The following CMIP variants were observed in gnomAD, a reference collection of about 807,000 sequenced individuals.
CMIP encodes the protein C-Maf-inducing protein.
CMIP carries 13 observed loss-of-function variants against 97.3 expected under a neutral mutation model. The observed-to-expected ratio is 0.13, with a 90% CI of 0.09 to 0.21. The LOEUF (loss-of-function observed/expected upper bound fraction) is 0.21. Among genes scored for constraint, CMIP ranks in the 10% least tolerant of loss-of-function variants. The pLI is 1.00. For missense variants in CMIP, 847 were observed against 1,024.9 expected, an observed-to-expected ratio of 0.83 and a Z score of 2.37; for synonymous variants, 538 against 436.3, an observed-to-expected ratio of 1.23 and a Z score of -2.91.
chr16:81,610,316 A>G (rs906135164), intron 2 of CMIP: 20 of 985,522 alleles, frequency 2.0e-5, no homozygotes, highest in Non-Finnish European at 2.4e-5. Context: ...CGTGGTGCTG[A>G]GGAGCCGAGC....
rs868769938 is a variant in CMIP, at chr16:81,711,016, A to G, written c.*1217A>G. ...CTCCGCCAGTCCGACTGCCCTCCCC[A>G]CCCCACCCCCGCCACCCCCCACATG... On this transcript the variant is annotated 3_prime_UTR_variant, in exon 21 of 21. Transcript: ENST00000537098. 1.1e-5 allele frequency: 1 copy of G among 87,738 alleles called. No homozygotes were observed. The highest frequency in any genetic ancestry group is 4.3e-5 in the African/African-American group (1 of 23,236). 5.4% of individuals were successfully genotyped at this position (87,738 alleles called of 1,614,324 possible). A position where few individuals can be genotyped will look rare whatever the true frequency, so the allele number is the denominator to read the frequency against.
At position 81,652,458 on chromosome 16, in the gene CMIP, G is replaced by A. The variant is rs533306942; in HGVS notation, c.639+94G>A. On this transcript the variant is annotated intron_variant, in intron 4 of 20. Transcript: ENST00000537098. The surrounding 1 kb of genome is among the most constrained non-coding windows in gnomAD (Gnocchi z 5.2). ...AAGCAGCAGGCGCAGGCAGAGCTCC[G>A]TGTGGGCTGTGTTGTTGCCCTGCTG... 143 of 1,104,560 alleles carry A rather than the reference G, an allele frequency of 1.3e-4. 1 individual carries two copies. The South Asian group carries it at 1.6e-3, about 13-fold the overall frequency. The allele number at this position is 1,104,560 out of a possible 1,614,324, so 68.4% of individuals were successfully genotyped here.
chr16:81,561,482 G>T (rs1360179748), intron 1 of CMIP, among the ~76,000 whole-genome samples: 1 of 152,150 alleles, frequency 6.6e-6, no homozygotes. Flanking sequence ...CCTGCAGCAG[G>T]AGTGAGGCTG....
intron 1 of CMIP, among the ~76,000 whole-genome samples, chr16:81,513,311 C>A (rs2089849731): frequency 1.3e-5 from 2 of 152,246 alleles, no homozygotes; most frequent in Admixed American, 1.3e-4. Context: ...TCTCTTGGGC[C>A]TGGTTGCCAA....
chr16:81,629,775 T>A (rs2092128754), intron 3 of CMIP, among the ~76,000 whole-genome samples: 1 of 152,242 alleles, frequency 6.6e-6, no homozygotes, highest in African/African-American at 2.4e-5. Context: ...GGCTTCCTAA[T>A]GGCTGCAGAA....
chr16:81,450,345 A>T (rs1022940524), intron 1 of CMIP, among the ~76,000 whole-genome samples: 1 of 152,174 alleles, frequency 6.6e-6, no homozygotes, highest in African/African-American at 2.4e-5. Flanking sequence ...TTGCGTTCTC[A>T]TGGCGCTGGA....
intron 3 of CMIP, among the ~76,000 whole-genome samples, chr16:81,650,420 G>A (rs1330447898): frequency 6.6e-6 from 1 of 152,162 alleles, no homozygotes; most frequent in East Asian, 1.9e-4. Context: ...AAGAACTAGA[G>A]AGAAGGAGAA....
At chr16:81,470,094 C>T (rs1907431814) in intron 1 of CMIP, among the ~76,000 whole-genome samples, 1 of 152,240 alleles carries the variant, frequency 6.6e-6, no homozygotes, top group African/African-American at 2.4e-5. Context: ...AAGAACAAAC[C>T]ACTTCCTCTA....
chr16:81,580,937 C>A (rs1283199823), intron 1 of CMIP, among the ~76,000 whole-genome samples: 1 of 148,550 alleles, frequency 6.7e-6, no homozygotes, highest in Admixed American at 6.6e-5. Context: ...TTCCCCATTC[C>A]CCTCTCTTCC....
intron 1 of CMIP, among the ~76,000 whole-genome samples, chr16:81,489,885 A>G (rs150033919): frequency 0.01 from 1,532 of 152,342 alleles, 14 homozygotes; most frequent in Middle Eastern, 0.027. Flanking sequence ...GACCTTTTCT[A>G]GGGGTTCAGA....
intron 1 of CMIP, among the ~76,000 whole-genome samples, chr16:81,550,890 ACACCCCAGTTCCGTCACATG>A (rs1403768185): frequency 4.9e-5 from 7 of 142,892 alleles, no homozygotes; most frequent in Middle Eastern, 3.8e-3. Context: ...TCCATCACAC[ACACCCCAGTTCCGTCACATG>A]CACCCCAGTT....
chr16:81,632,656 C>T (rs1484600121), intron 3 of CMIP, among the ~76,000 whole-genome samples: 1 of 152,208 alleles, frequency 6.6e-6, no homozygotes, highest in Non-Finnish European at 1.5e-5. Flanking sequence ...GTTTGCTGCC[C>T]AGGCCTCGCA....
intron 10 of CMIP, among the ~76,000 whole-genome samples, chr16:81,680,213 C>T (rs1418757200): frequency 6.6e-6 from 1 of 152,192 alleles, no homozygotes; most frequent in Admixed American, 6.5e-5. Context: ...GTGGGGTTTC[C>T]CTGAGCCCCT....
intron 1 of CMIP, among the ~76,000 whole-genome samples, chr16:81,538,697 C>G (rs977699188): frequency 6.6e-6 from 1 of 152,120 alleles, no homozygotes; most frequent in Non-Finnish European, 1.5e-5. Flanking sequence ...TGAGTCCACC[C>G]TGAAGAATGT....
intron 1 of CMIP, among the ~76,000 whole-genome samples, chr16:81,537,546 CAAAA>C (rs397695977): frequency 4.9e-5 from 4 of 82,084 alleles, no homozygotes; most frequent in Admixed American, 1.6e-4. Flanking sequence ...AAAAAAAAGA[CAAAA>C]AAAAAAAAAA....
At chr16:81,667,463 A>C (rs2092616550) in intron 7 of CMIP, among the ~76,000 whole-genome samples, 1 of 152,188 alleles carries the variant, frequency 6.6e-6, no homozygotes, top group African/African-American at 2.4e-5. Context: ...CAGTTTTCCA[A>C]GGGGAGCGTA....
intron 3 of CMIP, chr16:81,622,349 G>A (rs1441746765): frequency 6.6e-6 from 1 of 152,198 alleles, no homozygotes; most frequent in Non-Finnish European, 1.5e-5. Flanking sequence ...GTGCTACTGA[G>A]AGCTCTGTAT....
chr16:81,664,172 C>T (rs2092578317), intron 6 of CMIP, 97 bp from the exon 7 acceptor site: 2 of 1,174,616 alleles, frequency 1.7e-6, no homozygotes, highest in African/African-American at 3.1e-5. Flanking sequence ...CCCAGGCACC[C>T]ACAGCTGGGC....
chr16:81,485,855 G>C (rs1028705227), intron 1 of CMIP, among the ~76,000 whole-genome samples: 1 of 152,162 alleles, frequency 6.6e-6, no homozygotes. Context: ...ATAGAGCTGG[G>C]GTGGCACCAC....
Sources: allele counts gnomAD v4.1 joint callset (sites outside exome capture counted in the v4.1 genomes callset), GRCh38; gene constraint gnomAD v4.1.1; non-coding constraint Gnocchi (gnomAD v3.1); transcripts MANE v1.5; gene names NCBI Gene and HGNC (gene_info 2026-07-23, HGNC 2026-07-21).